The following SEC24D variants were observed in gnomAD, a reference collection of about 807,000 sequenced individuals.
The protein encoded by SEC24D is protein transport protein Sec24D.
A neutral mutation model predicts 116.9 loss-of-function variants in SEC24D; 69 were observed. The ratio of observed to expected loss-of-function variants is 0.59; its 90% CI spans 0.49 to 0.72. SEC24D has a LOEUF of 0.72. Ranked by LOEUF, SEC24D falls within the 30% of genes least tolerant of loss-of-function variation. SEC24D has a pLI of 0.00. For missense variants in SEC24D, 1,131 were observed against 1,264.1 expected (o/e 0.89, Z 1.60); for synonymous variants, 405 against 442.8 (o/e 0.91, Z 1.07).
chr4:118,738,884 A>G (rs1181944097), intron 18 of SEC24D, among the ~76,000 whole-genome samples: 1 of 152,162 alleles, frequency 6.6e-6, no homozygotes, highest in Non-Finnish European at 1.5e-5. Context: ...TAAGGGTCTA[A>G]GCATCATATT....
At position 118,797,727 on chromosome 4, in the gene SEC24D, A is replaced by T; in HGVS notation, c.997T>A (p.Leu333Ile). The change falls in exon 8 of 23, where the codon TTA becomes ATA. Residue 333 changes from leucine (L) to isoleucine (I), a missense_variant. Coordinates refer to ENST00000280551, the MANE Select transcript of SEC24D (RefSeq NM_014822.4). ...GCAAAGGGCTTGATGACAGCAGCTAATGGAATCTGAGCTTGCTTAGCCATA... is the reference window on the plus strand; with the variant it reads ...GCAAAGGGCTTGATGACAGCAGCTATTGGAATCTGAGCTTGCTTAGCCATA... ...SDMAKQAQIP[L>I]AAVIKPFATI... 1 of 1,611,298 alleles carries T rather than the reference A, an allele frequency of 6.2e-7. No individual in the cohort carries two copies. Among genetic ancestry groups the T allele is most frequent in the South Asian group, 1.1e-5 (1 of 90,698 alleles).
Position 118,732,992 on chromosome 4 carries a change from CATT to C in SEC24D, c.2497-83_2497-81del, listed in dbSNP as rs1273923212. The C allele has an allele frequency of 3.2e-6, 4 of 1,237,108 alleles. No homozygotes were observed. In the African/African-American group the frequency reaches 4.5e-5, roughly 14 times the overall value. The allele number at this position is 1,237,108 out of a possible 1,614,324, so 76.6% of individuals were successfully genotyped here. On this transcript the variant is annotated intron_variant, in intron 19 of 22. Coordinates refer to ENST00000280551, the MANE Select transcript of SEC24D (RefSeq NM_014822.4). ...CTGAGCTTCATCTGTAAGACTGAAA[CATT>C]ATTTGCTTCTGAACTTGTAAGGATG...
At chr4:118,774,133 C>A (rs184785276) in intron 8 of SEC24D, among the ~76,000 whole-genome samples, 61 of 151,742 alleles carry the variant, frequency 4.0e-4, no homozygotes, top group African/African-American at 1.3e-3. Context: ...TGCTTTTTTG[C>A]ATTTTCAGAA....
At chr4:118,793,228 G>C (rs1729011924) in intron 8 of SEC24D, among the ~76,000 whole-genome samples, 1 of 152,066 alleles carries the variant, frequency 6.6e-6, no homozygotes, top group Non-Finnish European at 1.5e-5. Flanking sequence ...AGCACTTTGG[G>C]AGGCCGAGGC....
intron 2 of SEC24D, among the ~76,000 whole-genome samples, chr4:118,826,149 A>G (rs1730583878): frequency 6.6e-6 from 1 of 152,170 alleles, no homozygotes; most frequent in Non-Finnish European, 1.5e-5. Context: ...GCAAATTCAT[A>G]TACCACTATT....
intron 7 of SEC24D, among the ~76,000 whole-genome samples, chr4:118,799,476 G>A (rs140480648): frequency 1.2e-4 from 19 of 152,306 alleles, no homozygotes; most frequent in African/African-American, 4.6e-4. Context: ...AAAGTCTGGG[G>A]TGGAGATACA....
intron 8 of SEC24D, among the ~76,000 whole-genome samples, chr4:118,778,514 G>C (rs1728251832): frequency 6.6e-6 from 1 of 152,192 alleles, no homozygotes; most frequent in Non-Finnish European, 1.5e-5. Flanking sequence ...CTGCAGCCTT[G>C]TAGTATAGTT....
chr4:118,810,365 A>G (rs2110518844), intron 6 of SEC24D, among the ~76,000 whole-genome samples: 1 of 152,230 alleles, frequency 6.6e-6, no homozygotes, highest in Non-Finnish European at 1.5e-5. Flanking sequence ...AACAGGATGA[A>G]TAGACAAGGT....
intron 6 of SEC24D, among the ~76,000 whole-genome samples, chr4:118,810,125 T>TGC (rs1729852876): frequency 8.1e-6 from 1 of 123,954 alleles, no homozygotes; most frequent in Non-Finnish European, 1.9e-5. Context: ...TGTGTGTGTG[T>TGC]GTGTGTGTGT....
chr4:118,783,479 A>G (rs1255919653), intron 8 of SEC24D, among the ~76,000 whole-genome samples: 1 of 152,236 alleles, frequency 6.6e-6, no homozygotes, highest in Non-Finnish European at 1.5e-5. Context: ...GTTCACTGAC[A>G]TATCTCAAGT....
Position 118,723,372 on chromosome 4 carries a change from AG to A in SEC24D, c.*142del. The A allele has an allele frequency of 1.3e-6, 1 of 768,148 alleles. No individual in the cohort carries two copies. The highest frequency in any genetic ancestry group is 2.0e-6 in the Non-Finnish European group (1 of 489,872). 47.6% of individuals were successfully genotyped at this position (768,148 alleles called of 1,614,324 possible). A position where few individuals can be genotyped will look rare whatever the true frequency, so the allele number is the denominator to read the frequency against. Reference sequence around the variant, plus strand: ...CTTTATACCTGAGCACCAAAGCTGAAGTTCTAAATGCCATCTCTTCCTGGAA... The same window carrying A: ...CTTTATACCTGAGCACCAAAGCTGAATTCTAAATGCCATCTCTTCCTGGAA... On this transcript the variant is annotated 3_prime_UTR_variant, in exon 23 of 23. Coordinates refer to ENST00000280551, the MANE Select transcript of SEC24D (RefSeq NM_014822.4).
chr4:118,813,063 C>A (rs1358051863), intron 6 of SEC24D, among the ~76,000 whole-genome samples: 2 of 152,166 alleles, frequency 1.3e-5, no homozygotes, highest in Non-Finnish European at 2.9e-5. Flanking sequence ...CCTCATATGG[C>A]AAAATAATTT....
At position 118,816,515 on chromosome 4, in the gene SEC24D, CA is replaced by C. The variant is rs1394617275; in HGVS notation, c.397+748del. Among the ~76,000 whole-genome samples the C allele has an allele frequency of 2.6e-5, 4 of 152,184 alleles. No homozygotes were observed. The East Asian group carries it at 7.7e-4, about 29-fold the overall frequency. On this transcript the variant is annotated intron_variant, in intron 4 of 22. Coordinates refer to ENST00000280551, the MANE Select transcript of SEC24D (RefSeq NM_014822.4). ...AGAGAAGGGCCACCAACATGCTCTC[CA>C]ATCATATTGGAAATAGCTGTAAAAC...
intron 3 of SEC24D, among the ~76,000 whole-genome samples, chr4:118,821,654 C>A (rs902969081): frequency 2.8e-4 from 42 of 152,072 alleles, no homozygotes; most frequent in Non-Finnish European, 1.6e-4. Context: ...TAAAATATTT[C>A]TTTGGTATAC....
chr4:118,752,231 AATG>A, intron 12 of SEC24D, 142 bp from the exon 13 acceptor site: 1 of 599,730 alleles, frequency 1.7e-6, no homozygotes, highest in East Asian at 2.9e-5. Flanking sequence ...TTCCTTAGGA[AATG>A]ATATCTTAGC....
intron 18 of SEC24D, 51 bp downstream of exon 18, chr4:118,739,098 A>T: frequency 6.3e-7 from 1 of 1,596,002 alleles, no homozygotes; most frequent in Non-Finnish European, 8.6e-7. Context: ...ACAAATCTTG[A>T]CTGAATTACT....
chr4:118,725,665 A>T (rs1366520519), intron 22 of SEC24D, among the ~76,000 whole-genome samples: 1 of 151,996 alleles, frequency 6.6e-6, no homozygotes, highest in East Asian at 1.9e-4. Flanking sequence ...CTCCTCTGAC[A>T]AAAGTGTCTC....
chr4:118,767,818 C>T (rs1727709546), intron 9 of SEC24D, among the ~76,000 whole-genome samples: 1 of 151,998 alleles, frequency 6.6e-6, no homozygotes, highest in East Asian at 1.9e-4. Flanking sequence ...TGAGAAGTGA[C>T]AAAAGAGGAA....
chr4:118,736,941 A>T (rs1725994343), intron 19 of SEC24D, among the ~76,000 whole-genome samples: 1 of 152,202 alleles, frequency 6.6e-6, no homozygotes, highest in South Asian at 2.1e-4. Flanking sequence ...TTCTTCCATA[A>T]ATAGGCAATA....
Sources: allele counts gnomAD v4.1 joint callset (sites outside exome capture counted in the v4.1 genomes callset), GRCh38; gene constraint gnomAD v4.1.1; transcripts MANE v1.5; gene names NCBI Gene and HGNC (gene_info 2026-07-23, HGNC 2026-07-21).